Variants in SRP54 observed in about 807,000 individuals in gnomAD.
The protein encoded by SRP54 is signal recognition particle 54, also known as signal recognition particle subunit SRP54.
In SRP54, 10 loss-of-function variants were observed where a neutral mutation model predicts 64.8. The observed-to-expected ratio is 0.15, with a 90% CI of 0.10 to 0.26. SRP54 has a LOEUF of 0.26. SRP54 is among the 10% of genes least tolerant of loss of function. The pLI is 1.00. For synonymous variants in SRP54, 193 were observed against 185.6 expected (o/e 1.04, Z -0.32); for missense variants, 325 against 613.7 (o/e 0.53, Z 4.97).
intron 3 of SRP54, chr14:34,999,934 T>C: frequency 5.2e-6 from 1 of 194,106 alleles, no homozygotes; most frequent in Admixed American, 5.7e-5. Context: ...AGTATTTTAA[T>C]ATATAAAGCC....
chr14:34,985,488 C>G (rs1197822482), intron 1 of SRP54, among the ~76,000 whole-genome samples: 1 of 152,106 alleles, frequency 6.6e-6, no homozygotes, highest in African/African-American at 2.4e-5. Flanking sequence ...ATGAATTAGC[C>G]CTTAACCCTA....
chr14:34,995,309 G>C (rs1223361559), intron 1 of SRP54, among the ~76,000 whole-genome samples: 1 of 151,972 alleles, frequency 6.6e-6, no homozygotes, highest in African/African-American at 2.4e-5. Context: ...GGAGACCCAG[G>C]AGAGCCCATG....
chr14:34,992,356 A>C (rs1470093341), intron 1 of SRP54, among the ~76,000 whole-genome samples: 3 of 152,168 alleles, frequency 2.0e-5, no homozygotes, highest in Non-Finnish European at 4.4e-5. Context: ...TGCAGAAGGA[A>C]AAGTATATTG....
chr14:35,017,521 G>A (rs528527404), intron 11 of SRP54, among the ~76,000 whole-genome samples: 8 of 152,220 alleles, frequency 5.3e-5, no homozygotes, highest in South Asian at 2.1e-4. Context: ...TTAATTCTGC[G>A]TTTCTAGTTG....
At chr14:35,022,312 T>G (rs971693345) in intron 13 of SRP54, among the ~76,000 whole-genome samples, 6 of 152,142 alleles carry the variant, frequency 3.9e-5, no homozygotes, top group Admixed American at 1.3e-4. Context: ...TTTCATTGTT[T>G]TTATAGCTTA....
chr14:35,019,094 T>C lies in SRP54; in HGVS notation c.1156+20T>C, dbSNP rs745516649. 1.9e-6 allele frequency: 3 copies of C among 1,561,106 alleles called. No homozygotes were observed. Among genetic ancestry groups the C allele is most frequent in the South Asian group, 2.2e-5 (2 of 89,156 alleles). Reference sequence around the variant, plus strand: ...ATCAAGGTAAGATGGCAGATTATTTTCCTCAGGCAAAAATGTTCTGAGTAT... The same window carrying C: ...ATCAAGGTAAGATGGCAGATTATTTCCCTCAGGCAAAAATGTTCTGAGTAT... On this transcript the variant is annotated intron_variant, in intron 13 of 15. Coordinates refer to ENST00000216774, the MANE Select transcript of SRP54 (RefSeq NM_003136.4).
intron 4 of SRP54, among the ~76,000 whole-genome samples, chr14:35,006,263 A>G (rs1222809727): frequency 6.6e-6 from 1 of 152,202 alleles, no homozygotes; most frequent in Non-Finnish European, 1.5e-5. Flanking sequence ...TTTACAGTAA[A>G]TATTTGGCAT....
At chr14:34,996,989 G>A in intron 2 of SRP54, 1 of 389,762 alleles carries the variant, frequency 2.6e-6, no homozygotes, top group South Asian at 6.6e-5. Context: ...TTTCTATAAA[G>A]AATTTTCCAA....
At chr14:34,995,634 A>G (rs922215230) in intron 1 of SRP54, among the ~76,000 whole-genome samples, 11 of 152,206 alleles carry the variant, frequency 7.2e-5, no homozygotes, top group African/African-American at 2.7e-4. Context: ...ATACTTTTAT[A>G]AAACAGTAAG....
chr14:34,997,975 G>T (rs867041780), intron 2 of SRP54, among the ~76,000 whole-genome samples: 3 of 152,104 alleles, frequency 2.0e-5, no homozygotes, highest in Non-Finnish European at 4.4e-5. Context: ...GGAGTTCTTG[G>T]TGGGAGGTAG....
At chr14:34,998,973 ATGTG>A (rs34646567) in intron 2 of SRP54, among the ~76,000 whole-genome samples, 3,439 of 63,554 alleles carry the variant, frequency 0.054, 154 homozygotes, top group Middle Eastern at 0.098. Context: ...CTTTGTGTGT[ATGTG>A]TGTGTGTGTG....
At chr14:35,002,737 CTTTTTTTTTTTTTTT>C (rs71121258) in intron 4 of SRP54, among the ~76,000 whole-genome samples, 3 of 94,986 alleles carry the variant, frequency 3.2e-5, no homozygotes, top group Non-Finnish European at 6.1e-5. Context: ...GCCTGGCCTC[CTTTTTTTTTTTTTTT>C]TTTTTTTTTA....
At chr14:35,012,695 T>C (rs1266327915) in intron 8 of SRP54, among the ~76,000 whole-genome samples, 2 of 152,180 alleles carry the variant, frequency 1.3e-5, no homozygotes, top group Non-Finnish European at 2.9e-5. Context: ...AGGCCTTCCC[T>C]GACTACCTTA....
chr14:34,988,007 T>C (rs543174097), intron 1 of SRP54, among the ~76,000 whole-genome samples: 1 of 152,310 alleles, frequency 6.6e-6, no homozygotes, highest in South Asian at 2.1e-4. Flanking sequence ...TAAATTAATA[T>C]ACCTAGAAAA....
chr14:34,998,966 T>C (rs906139691), intron 2 of SRP54, among the ~76,000 whole-genome samples: 1 of 90,840 alleles, frequency 1.1e-5, no homozygotes, highest in African/African-American at 3.3e-5. Flanking sequence ...ATTATTACTT[T>C]GTGTGTATGT....
At chr14:34,991,460 G>A (rs799480) in intron 1 of SRP54, among the ~76,000 whole-genome samples, 113,338 of 151,176 alleles carry the variant, frequency 0.75, 43,534 homozygotes, top group Non-Finnish European at 0.84. Flanking sequence ...GAGATTATAG[G>A]TGACAAATAA....
chr14:34,993,018 C>CAAAA (rs1252771539), intron 1 of SRP54, among the ~76,000 whole-genome samples: 1 of 152,074 alleles, frequency 6.6e-6, no homozygotes, highest in Non-Finnish European at 1.5e-5. Context: ...CACCACCATA[C>CAAAA]CCGGCCAAGT....
At chr14:35,010,705 C>T (rs1448967329) in intron 7 of SRP54, among the ~76,000 whole-genome samples, 1 of 151,862 alleles carries the variant, frequency 6.6e-6, no homozygotes, top group African/African-American at 2.4e-5. Flanking sequence ...GCAGAAGTGG[C>T]AGTGAGCCGA....
At chr14:35,007,806 A>ATAACT (rs1555354272) in intron 5 of SRP54, among the ~76,000 whole-genome samples, 10,447 of 123,946 alleles carry the variant, frequency 0.084, 1,061 homozygotes, top group Non-Finnish European at 0.14. Flanking sequence ...ACATATTAAG[A>ATAACT]TATAAAGCCA....
Sources: gnomAD v4.1 joint callset for allele counts (sites outside exome capture counted in the v4.1 genomes callset) on GRCh38, gnomAD v4.1.1 for gene constraint, MANE v1.5 for transcripts, NCBI Gene and HGNC (gene_info 2026-07-23, HGNC 2026-07-21) for gene names.